TMPRSS12: variants seen among roughly 807,000 people sequenced by gnomAD.
The protein encoded by TMPRSS12 is transmembrane protease serine 12.
Under a neutral mutation model 26.0 loss-of-function variants are expected in TMPRSS12, and 25 were observed. The ratio of observed to expected loss-of-function variants is 0.96; its 90% CI spans 0.70 to 1.34. The LOEUF (loss-of-function observed/expected upper bound fraction) is 1.34. Among genes scored for constraint, TMPRSS12 ranks in the 40% most tolerant of loss-of-function variants. TMPRSS12 has a pLI of 0.00. For synonymous variants in TMPRSS12, 150 were observed against 161.7 expected (o/e 0.93, Z 0.55); for missense variants, 441 against 440.1 (o/e 1.00, Z -0.02).
Position 50,885,366 on chromosome 12 carries a change from A to G in TMPRSS12, c.773A>G (p.Asp258Gly). The change falls in exon 4 of 5, where the codon GAT (aspartate) becomes GGT (glycine). Residue 258 changes from aspartate to glycine, a missense_variant. Coordinates refer to ENST00000398458, the MANE Select transcript of TMPRSS12 (RefSeq NM_182559.3). ...PNTSFCAGDE[D>G]GAFDTCRGDS... ...ACTTCATTTTGTGCAGGTGATGAAGATGGAGCTTTTGATACTTGCAGGGTA... is the reference window on the plus strand; with the variant it reads ...ACTTCATTTTGTGCAGGTGATGAAGGTGGAGCTTTTGATACTTGCAGGGTA... The G allele has an allele frequency of 6.2e-7, 1 of 1,613,878 alleles. No homozygotes were observed. Among genetic ancestry groups the G allele is most frequent in the East Asian group, 2.2e-5 (1 of 44,850 alleles).
At position 50,867,298 on chromosome 12, in the gene TMPRSS12, C is replaced by G. The variant is rs183238230; in HGVS notation, c.652+8245C>G. On this transcript the variant is annotated intron_variant, in intron 3 of 4. Transcript: ENST00000398458. The stretch of plus-strand genomic sequence containing the variant: ...ATAGCATCAAGAAAAAACAAAACTT[C>G]AGGAAACATTGGACACACTTACAGA... 2.6e-5 allele frequency among the ~76,000 whole-genome samples: 4 copies of G among 152,294 alleles called. No homozygotes were observed. In the East Asian group the frequency reaches 7.7e-4, roughly 29 times the overall value.
intron 2 of TMPRSS12, among the ~76,000 whole-genome samples, chr12:50,847,325 G>T (rs1364728293): frequency 6.6e-6 from 1 of 151,990 alleles, no homozygotes; most frequent in African/African-American, 2.4e-5. Flanking sequence ...CCAAAGTGCT[G>T]GGATTACAGG....
chr12:50,844,038 G>A lies in TMPRSS12; in HGVS notation c.383+1G>A, dbSNP rs1294098191. ...CTGCCCACTGCACTAAAGACGCTAG[G>A]TACGTATTCAGAACACAACTATTTT... On this transcript the variant is annotated splice_donor_variant, in intron 2 of 4. Transcript: ENST00000398458. LOFTEE classifies it high-confidence loss of function. The A allele has an allele frequency of 6.5e-7, 1 of 1,547,072 alleles. No homozygotes were observed.
chr12:50,880,918 T>C lies in TMPRSS12; in HGVS notation c.653-4328T>C, dbSNP rs1938156829. On this transcript the variant is annotated intron_variant, in intron 3 of 4. Coordinates refer to ENST00000398458, the MANE Select transcript of TMPRSS12 (RefSeq NM_182559.3). ...CTACAAATGTGTGATTCCATTTATA[T>C]AAAATTTCAAGAAAAGGCAAACCTA... is the stretch of plus-strand genomic sequence containing the variant. 2.0e-5 allele frequency among the ~76,000 whole-genome samples: 3 copies of C among 146,448 alleles called. No homozygotes were observed. In the South Asian group the frequency reaches 6.5e-4, roughly 32 times the overall value.
At chr12:50,878,635 A>AG (rs746485489) in intron 3 of TMPRSS12, among the ~76,000 whole-genome samples, 2 of 152,196 alleles carry the variant, frequency 1.3e-5, no homozygotes, top group East Asian at 3.9e-4. Flanking sequence ...CACAACATGG[A>AG]GGGGGAAAAA....
intron 3 of TMPRSS12, among the ~76,000 whole-genome samples, chr12:50,864,938 T>TA (rs1242859845): frequency 6.6e-6 from 1 of 152,158 alleles, no homozygotes; most frequent in Non-Finnish European, 1.5e-5. Flanking sequence ...GGATTACAGG[T>TA]ATGAGCCACA....
At chr12:50,884,159 T>C (rs959017698) in intron 3 of TMPRSS12, among the ~76,000 whole-genome samples, 6 of 152,204 alleles carry the variant, frequency 3.9e-5, no homozygotes, top group African/African-American at 1.4e-4. Flanking sequence ...TTAACCTAAT[T>C]AAGGTTAATG....
intron 2 of TMPRSS12, among the ~76,000 whole-genome samples, chr12:50,858,365 C>G (rs1937901444): frequency 6.6e-6 from 1 of 152,166 alleles, no homozygotes; most frequent in Non-Finnish European, 1.5e-5. Context: ...CTTTGTGTAT[C>G]TCTAAAAGAT....
intron 3 of TMPRSS12, among the ~76,000 whole-genome samples, chr12:50,861,991 G>T (rs1292364172): frequency 6.6e-6 from 1 of 152,098 alleles, no homozygotes; most frequent in Non-Finnish European, 1.5e-5. Context: ...TTGTATTTTA[G>T]TAGAGACGGG....
intron 3 of TMPRSS12, among the ~76,000 whole-genome samples, chr12:50,879,487 C>T (rs1227360483): frequency 6.6e-6 from 1 of 152,126 alleles, no homozygotes; most frequent in East Asian, 1.9e-4. Context: ...TTCTGAAAAC[C>T]CTTTCCTTAT....
intron 3 of TMPRSS12, among the ~76,000 whole-genome samples, chr12:50,881,320 A>G (rs953283286): frequency 6.6e-6 from 1 of 152,108 alleles, no homozygotes; most frequent in African/African-American, 2.4e-5. Flanking sequence ...GGAGCTGGGA[A>G]TTGATTACAA....
rs181504691 is a variant in TMPRSS12, at chr12:50,882,072, C to T, written c.653-3174C>T. 3.1e-3 allele frequency among the ~76,000 whole-genome samples: 388 copies of T among 123,232 alleles called. 3 individuals are homozygous for T. Among genetic ancestry groups the T allele is most frequent in the Non-Finnish European group, 3.3e-3 (201 of 61,742 alleles). The allele number at this position is 123,232 out of a possible 152,430, so 80.8% of individuals were successfully genotyped here. ...ATTTAGTTAGTTAGTTTGAATCATA[C>T]GGAAGAGCAAACATTTGACCTAATA... On this transcript the variant is annotated intron_variant, in intron 3 of 4. Coordinates refer to ENST00000398458, the MANE Select transcript of TMPRSS12 (RefSeq NM_182559.3).
chr12:50,871,962 G>A (rs1345239043), intron 3 of TMPRSS12, among the ~76,000 whole-genome samples: 1 of 151,690 alleles, frequency 6.6e-6, no homozygotes, highest in East Asian at 1.9e-4. Flanking sequence ...CATGGATGTA[G>A]TGATCAGGGA....
At chr12:50,850,917 G>C (rs954914428) in intron 2 of TMPRSS12, among the ~76,000 whole-genome samples, 1 of 152,166 alleles carries the variant, frequency 6.6e-6, no homozygotes, top group Non-Finnish European at 1.5e-5. Flanking sequence ...CCCAGGATTA[G>C]ACCTTATAGC....
intron 2 of TMPRSS12, among the ~76,000 whole-genome samples, chr12:50,857,805 T>C (rs61926346): frequency 0.23 from 32,913 of 142,656 alleles, 4,279 homozygotes; most frequent in Non-Finnish European, 0.31. Flanking sequence ...TTGTTGTTGT[T>C]GTCGTTGTTG....
intron 3 of TMPRSS12, among the ~76,000 whole-genome samples, chr12:50,859,924 A>G (rs1190109480): frequency 6.6e-6 from 1 of 152,134 alleles, no homozygotes; most frequent in Non-Finnish European, 1.5e-5. Flanking sequence ...GTATTTTTTT[A>G]TCACTTTATG....
At chr12:50,883,978 G>A (rs1294870391) in intron 3 of TMPRSS12, among the ~76,000 whole-genome samples, 1 of 152,122 alleles carries the variant, frequency 6.6e-6, no homozygotes, top group Non-Finnish European at 1.5e-5. Context: ...CTGGGACCCA[G>A]GCAAGAGGGC....
Position 50,843,856 on chromosome 12 carries a change from C to G in TMPRSS12, c.202C>G (p.Pro68Ala), listed in dbSNP as rs751297586. 1.3e-6 allele frequency: 2 copies of G among 1,554,412 alleles called. No homozygotes were observed. The highest frequency in any genetic ancestry group is 1.7e-6 in the Non-Finnish European group (2 of 1,149,004). The change falls in exon 2 of 5, where the codon CCG becomes GCG. Residue 68 changes from proline (P) to alanine (A), a missense_variant. Coordinates refer to ENST00000398458, the MANE Select transcript of TMPRSS12 (RefSeq NM_182559.3). ...TTTATTTTTAGATTGTGGAACAGCA[C>G]CGCTTAAGGATGTGTTGCAAGGGTC... Reference protein sequence around the residue: ...GAHAEDCGTAPLKDVLQGSRI... With the variant: ...GAHAEDCGTAALKDVLQGSRI...
intron 2 of TMPRSS12, among the ~76,000 whole-genome samples, chr12:50,855,430 A>G (rs1332342445): frequency 6.6e-6 from 1 of 152,230 alleles, no homozygotes; most frequent in Non-Finnish European, 1.5e-5. Context: ...AAAGACATAC[A>G]TATGGCCAAG....
Sources: gnomAD v4.1 joint callset for allele counts (sites outside exome capture counted in the v4.1 genomes callset) on GRCh38, gnomAD v4.1.1 for gene constraint, MANE v1.5 for transcripts, NCBI Gene and HGNC (gene_info 2026-07-23, HGNC 2026-07-21) for gene names.